The following SYF2 variants were observed in gnomAD, a reference collection of about 807,000 sequenced individuals.
SYF2 encodes SYF2 pre-mRNA splicing factor.
A neutral mutation model predicts 32.7 loss-of-function variants in SYF2; 21 were observed. The observed-to-expected ratio is 0.64, with a 90% CI of 0.45 to 0.92. SYF2 has a LOEUF of 0.92. Ranked by LOEUF, SYF2 falls within the 40% of genes least tolerant of loss-of-function variation. The probability of loss-of-function intolerance (pLI) is 0.00; values close to 1 mark genes in which losing one functional copy is unlikely to be tolerated. For missense variants in SYF2, 278 were observed against 296.5 expected (o/e 0.94, Z 0.46); for synonymous variants, 114 against 103.9 (o/e 1.10, Z -0.59).
rs777285412 is a variant in SYF2 at position 25,228,135 on chromosome 1, G to C, written c.359C>G (p.Pro120Arg). 6.2e-7 allele frequency: 1 copy of C among 1,613,794 alleles called. No individual in the cohort carries two copies. The highest frequency in any genetic ancestry group is 8.5e-7 in the Non-Finnish European group (1 of 1,179,878). ...RWERKKKRKN[P>R]DLGFSDYAAA... ...AATCTGACCTGAAAATCCCAGATCA[G>C]GGTTTTTCCTCTTCTTTTTCCTCTC... Residue 120 changes from proline (P) to arginine (R), a missense_variant, in exon 4 of 7, where the codon CCT (proline) becomes CGT (arginine). Coordinates refer to ENST00000236273, the MANE Select transcript of SYF2 (RefSeq NM_015484.5).
Position 25,227,025 on chromosome 1 carries a change from G to A in SYF2, c.467+417C>T, listed in dbSNP as rs548724326. Among the ~76,000 whole-genome samples the A allele has an allele frequency of 2.0e-5, 3 of 151,490 alleles. No individual in the cohort carries two copies. The South Asian group carries it at 6.3e-4, about 32-fold the overall frequency. ...GGGCCGGGCGCAGTAGCTCACGCCT[G>A]TAATCCCAGCACTTTGGGAGGCTGA... On this transcript the variant is annotated intron_variant, in intron 5 of 6. Coordinates refer to ENST00000236273, the MANE Select transcript of SYF2 (RefSeq NM_015484.5).
At position 25,232,450 on chromosome 1, in the gene SYF2, T is replaced by C. The variant is rs200709298; in HGVS notation, c.18A>G (p.Ala6=). 13 of 1,614,092 alleles carry C rather than the reference T, an allele frequency of 8.1e-6. No individual in the cohort carries two copies. The highest frequency in any genetic ancestry group is 1.6e-4 in the Middle Eastern group (1 of 6,084). ...TACGGTGGGTGGAACTCACCTCGGA[T>C]GCAGCTATAGCCGCCATCACAACCT... MAAIA[A]SEVLVDSAEE... is the part of the protein sequence containing the mutation. The change falls in exon 1 of 7, where the codon GCA becomes GCG. Residue 6 remains alanine (A), a synonymous_variant. Transcript: ENST00000236273.
intron 2 of SYF2, chr1:25,230,693 AGTGACAGG>A (rs1166534702): frequency 6.6e-6 from 1 of 152,172 alleles, no homozygotes; most frequent in East Asian, 1.9e-4. Context: ...TGGGCATTTG[AGTGACAGG>A]GTGTTAGGAA....
chr1:25,232,286 G>A, intron 1 of SYF2, 75 bp from the exon 2 acceptor site: 1 of 1,577,190 alleles, frequency 6.3e-7, no homozygotes, highest in Non-Finnish European at 8.6e-7. Context: ...AGTCCCCGCC[G>A]GTCCCCACAG....
chr1:25,223,985 G>C (rs577022172), intron 6 of SYF2, among the ~76,000 whole-genome samples: 2 of 152,270 alleles, frequency 1.3e-5, no homozygotes, highest in Admixed American at 6.5e-5. Flanking sequence ...CCTGAGGCCA[G>C]GAGTTTGAGA....
Position 25,227,499 on chromosome 1 carries a change from C to T in SYF2, c.410G>A (p.Arg137Gln), listed in dbSNP as rs767639698. 4.5e-5 allele frequency: 72 copies of T among 1,613,440 alleles called. 2 individuals carry two copies. In the South Asian group the frequency reaches 6.5e-4, roughly 15 times the overall value. ...GTCAGGTTTGATCTGCTTGGTCAAC[C>T]GATGATACTGGCGTAACTGGGCAGC... ...YAAAQLRQYH[R>Q]LTKQIKPDME... Residue 137 changes from arginine to glutamine, a missense_variant, in exon 5 of 7, where the codon CGG becomes CAG. Arg to Gln is a conservative substitution (Grantham distance 43, BLOSUM62 1). Transcript: ENST00000236273.
intron 3 of SYF2, 115 bp downstream of exon 3, chr1:25,228,883 A>C: frequency 7.5e-7 from 1 of 1,327,896 alleles, no homozygotes; most frequent in Non-Finnish European, 1.0e-6. Flanking sequence ...CAGAGCCAGA[A>C]TTTCAATTCT....
rs1261163886 is a variant in SYF2 at position 25,227,461 on chromosome 1, C to T, written c.448G>A (p.Glu150Lys). Residue 150 changes from glutamate to lysine, a missense_variant, in exon 5 of 7, where the codon GAG becomes AAG. By Grantham distance (56) the Glu-to-Lys change is moderately conservative. Coordinates refer to ENST00000236273, the MANE Select transcript of SYF2 (RefSeq NM_015484.5). ...ACTTACTGTTTTTCTCTCAGTCTCT[C>T]ATATGTTTCCATGTCAGGTTTGATC... ...KQIKPDMETYERLREKHGEEF... is the reference protein window; with the variant it reads ...KQIKPDMETYKRLREKHGEEF... The T allele has an allele frequency of 6.2e-7, 1 of 1,613,612 alleles. No homozygotes were observed. The highest frequency in any genetic ancestry group is 8.5e-7 in the Non-Finnish European group (1 of 1,179,900).
Position 25,232,057 on chromosome 1 carries a change from A to G in SYF2, c.132+47T>C, listed in dbSNP as rs1230364957. On this transcript the variant is annotated intron_variant, in intron 2 of 6. Coordinates refer to ENST00000236273, the MANE Select transcript of SYF2 (RefSeq NM_015484.5). ...CCTCGTCCCCTCTACAAAAGCGCACAGGCTTGGCCAGATGACGGATCTAAG... is the reference window on the plus strand; with the variant it reads ...CCTCGTCCCCTCTACAAAAGCGCACGGGCTTGGCCAGATGACGGATCTAAG... The G allele has an allele frequency of 4.4e-6, 7 of 1,581,768 alleles. No individual in the cohort carries two copies. The South Asian group carries it at 8.0e-5, about 18-fold the overall frequency.
Position 25,232,438 on chromosome 1 carries a change from A to G in SYF2, c.24+6T>C, listed in dbSNP as rs1638654580. ...AAACCCCCGGTGTACGGTGGGTGGA[A>G]CTCACCTCGGATGCAGCTATAGCCG... On this transcript the variant is annotated splice_donor_region_variant and intron_variant, in intron 1 of 6. Coordinates refer to ENST00000236273, the MANE Select transcript of SYF2 (RefSeq NM_015484.5). 6.2e-7 allele frequency: 1 copy of G among 1,614,076 alleles called. No individual in the cohort carries two copies. The highest frequency in any genetic ancestry group is 1.3e-5 in the African/African-American group (1 of 75,014).
intron 2 of SYF2, chr1:25,230,575 G>A (rs1051221668): frequency 6.6e-6 from 1 of 152,078 alleles, no homozygotes; most frequent in Admixed American, 6.6e-5. Flanking sequence ...ACCATCCCTA[G>A]TATATTCTTG....
intron 5 of SYF2, among the ~76,000 whole-genome samples, chr1:25,225,331 C>T (rs1199759568): frequency 1.3e-5 from 2 of 151,272 alleles, no homozygotes; most frequent in African/African-American, 2.4e-5. Context: ...AGTTCAAGAC[C>T]AGCCTGGCCA....
intron 2 of SYF2, among the ~76,000 whole-genome samples, chr1:25,229,770 A>C (rs1025638431): frequency 5.4e-5 from 8 of 148,806 alleles, no homozygotes; most frequent in Non-Finnish European, 1.0e-4. Flanking sequence ...GCGAGACTCC[A>C]TCTCAAAAAA....
intron 6 of SYF2, among the ~76,000 whole-genome samples, chr1:25,224,050 C>T (rs1005659738): frequency 2.0e-5 from 3 of 151,980 alleles, no homozygotes; most frequent in Non-Finnish European, 4.4e-5. Flanking sequence ...AAAAATTAGC[C>T]AGGAGTGGTG....
intron 4 of SYF2, 31 bp downstream of exon 4, chr1:25,228,087 G>A (rs754133436): frequency 1.3e-6 from 2 of 1,547,270 alleles, no homozygotes; most frequent in South Asian, 1.1e-5. Context: ...TAACAGCCCA[G>A]TCAATAAGGT....
Position 25,223,112 on chromosome 1 carries a change from C to G in SYF2, c.*154G>C. Reference sequence around the variant, plus strand: ...GTGGAAATATACATGAAAGGATATACGTTTAAGAAACCACATTTTTATTTC... The same window carrying G: ...GTGGAAATATACATGAAAGGATATAGGTTTAAGAAACCACATTTTTATTTC... On this transcript the variant is annotated 3_prime_UTR_variant, in exon 7 of 7. Transcript: ENST00000236273. The G allele has an allele frequency of 3.1e-6, 2 of 640,832 alleles. No homozygotes were observed. Among genetic ancestry groups the G allele is most frequent in the South Asian group, 5.5e-5 (2 of 36,268 alleles). 39.7% of individuals were successfully genotyped at this position (640,832 alleles called of 1,614,324 possible). A position where few individuals can be genotyped will look rare whatever the true frequency, so the allele number is the denominator to read the frequency against.
chr1:25,224,529 A>G (rs943264059), intron 6 of SYF2, among the ~76,000 whole-genome samples: 46 of 152,176 alleles, frequency 3.0e-4, no homozygotes, highest in African/African-American at 1.0e-3. Flanking sequence ...AAGTGCTAGG[A>G]TTATAGGCAG....
At chr1:25,228,900 T>A in intron 3 of SYF2, 98 bp downstream of exon 3, 1 of 1,437,944 alleles carries the variant, frequency 7.0e-7, no homozygotes, top group Non-Finnish European at 9.3e-7. Flanking sequence ...TTCTGGCAGC[T>A]TGGCCTAAGA....
chr1:25,232,309 G>A, intron 1 of SYF2, 98 bp from the exon 2 acceptor site: 3 of 1,579,950 alleles, frequency 1.9e-6, no homozygotes, highest in South Asian at 1.1e-5. Flanking sequence ...TGGGCCTAGG[G>A]CCTCCACCGC....
Sources: allele counts gnomAD v4.1 joint callset (sites outside exome capture counted in the v4.1 genomes callset), GRCh38; gene constraint gnomAD v4.1.1; transcripts MANE v1.5; gene names NCBI Gene and HGNC (gene_info 2026-07-23, HGNC 2026-07-21).